Variants in SPRED1 observed in about 807,000 individuals in gnomAD.
SPRED1 encodes the protein sprouty-related, EVH1 domain-containing protein 1.
SPRED1 carries 18 observed loss-of-function variants against 52.3 expected under a neutral mutation model. The ratio of observed to expected loss-of-function variants is 0.34; its 90% CI spans 0.24 to 0.51. The LOEUF is 0.51. Ranked by LOEUF, SPRED1 falls within the 20% of genes least tolerant of loss-of-function variation. The probability of loss-of-function intolerance (pLI) is 0.97; values close to 1 mark genes in which losing one functional copy is unlikely to be tolerated. For synonymous variants in SPRED1, 155 were observed against 179.7 expected, an observed-to-expected ratio of 0.86 and a Z score of 1.10; for missense variants, 485 against 551.0, an observed-to-expected ratio of 0.88 and a Z score of 1.20.
chr15:38,267,796 A>G (rs1019839347), intron 1 of SPRED1, among the ~76,000 whole-genome samples: 1 of 152,228 alleles, frequency 6.6e-6, no homozygotes. Context: ...TCCAAAGCCT[A>G]TGCCCTAAAA....
rs564286556 is a variant in SPRED1 at position 38,304,955 on chromosome 15, G to A, written c.207+5408G>A. Reference sequence around the variant, plus strand: ...CAACCCTTTCATTCATATTTCAGTAGACAATATGTTGCTAAGTTTTTTTTA... The same window carrying A: ...CAACCCTTTCATTCATATTTCAGTAAACAATATGTTGCTAAGTTTTTTTTA... On this transcript the variant is annotated intron_variant, in intron 2 of 6. Coordinates refer to ENST00000299084, the MANE Select transcript of SPRED1 (RefSeq NM_152594.3). 2.6e-5 allele frequency among the ~76,000 whole-genome samples: 4 copies of A among 152,016 alleles called. No homozygotes were observed. In the South Asian group the frequency reaches 8.3e-4, roughly 32 times the overall value.
In SPRED1 at chr15:38,262,993, A is replaced by G. The variant is rs142375178; in HGVS notation, c.32+9776A>G. Among the ~76,000 whole-genome samples the G allele has an allele frequency of 1.5e-3, 230 of 152,340 alleles. 2 individuals are homozygous for G. The highest frequency in any genetic ancestry group is 6.8e-3 in the South Asian group (33 of 4,830). ...CAATTTGTGTAAAGCAGGGCTTCTT[A>G]GGACAGTTGACTGGAGGGAGAAGAA... On this transcript the variant is annotated intron_variant, in intron 1 of 6. Transcript: ENST00000299084.
intron 1 of SPRED1, among the ~76,000 whole-genome samples, chr15:38,273,831 T>G (rs1054248323): frequency 6.6e-6 from 1 of 151,646 alleles, no homozygotes; most frequent in Non-Finnish European, 1.5e-5. Context: ...ACGGTGGTGG[T>G]TCCCGACTCC....
At chr15:38,324,887 A>G (rs1173345501) in intron 4 of SPRED1, 78 bp downstream of exon 4, 4 of 1,135,412 alleles carry the variant, frequency 3.5e-6, no homozygotes, top group Non-Finnish European at 5.3e-6. Context: ...TAAACTTATC[A>G]ATTACTAAGA....
At chr15:38,322,165 C>T in intron 2 of SPRED1, 76 bp from the exon 3 acceptor site, 1 of 1,393,490 alleles carries the variant, frequency 7.2e-7, no homozygotes, top group South Asian at 1.2e-5. Context: ...GTTGTATCAC[C>T]TCAGTTTGTA....
At chr15:38,299,673 T>C in intron 2 of SPRED1, 126 bp downstream of exon 2, 1 of 998,730 alleles carries the variant, frequency 1.0e-6, no homozygotes, top group South Asian at 1.4e-5. Flanking sequence ...GAGCTGTTTC[T>C]GTGTTAAAGG....
intron 1 of SPRED1, among the ~76,000 whole-genome samples, chr15:38,277,030 A>G (rs1566852081): frequency 6.6e-6 from 1 of 152,200 alleles, no homozygotes; most frequent in Non-Finnish European, 1.5e-5. Flanking sequence ...TTTGGGGTCT[A>G]TCTTTATAAA....
chr15:38,325,262 CA>C (rs1895691733), intron 4 of SPRED1, among the ~76,000 whole-genome samples: 1 of 152,100 alleles, frequency 6.6e-6, no homozygotes, highest in Admixed American at 6.5e-5. Context: ...TATTTAAAAT[CA>C]TGTATAAAAT....
rs186794877 is a variant in SPRED1 at position 38,310,233 on chromosome 15, C to G, written c.207+10686C>G. ...TCGGCTCATTGCAACCTCTGCCTCC[C>G]AGGTTCAAGCTTTTCTCCTGCCTCA... On this transcript the variant is annotated intron_variant, in intron 2 of 6. Coordinates refer to ENST00000299084, the MANE Select transcript of SPRED1 (RefSeq NM_152594.3). Among the ~76,000 whole-genome samples, 732 of 151,912 alleles carry G rather than the reference C, an allele frequency of 4.8e-3. 4 individuals are homozygous for G. Among genetic ancestry groups the G allele is most frequent in the Admixed American group, 0.012 (181 of 15,224 alleles).
chr15:38,329,491 A>G (rs965824904), intron 4 of SPRED1, among the ~76,000 whole-genome samples: 4 of 152,198 alleles, frequency 2.6e-5, no homozygotes, highest in African/African-American at 9.6e-5. Context: ...TAGGTAGTAC[A>G]GAGTATTTAA....
In SPRED1 at chr15:38,299,453, G is replaced by C; in HGVS notation, c.113G>C (p.Gly38Ala). Residue 38 changes from glycine to alanine, a missense_variant, in exon 2 of 7, where the codon GGA (glycine) becomes GCA (alanine). Physicochemically the swap from Gly to Ala is moderately conservative, Grantham distance 60. Coordinates refer to ENST00000299084, the MANE Select transcript of SPRED1 (RefSeq NM_152594.3). ...GGATGGTTACCACTTGGAGGGAGTG[G>C]ACTAAGCAGCGTCACTGTCTTCAAA... ...SGGWLPLGGS[G>A]LSSVTVFKVP... The C allele has an allele frequency of 3.7e-6, 6 of 1,613,984 alleles. No individual in the cohort carries two copies. The highest frequency in any genetic ancestry group is 5.1e-6 in the Non-Finnish European group (6 of 1,179,938).
chr15:38,346,630 A>G (rs1896142749), intron 5 of SPRED1, among the ~76,000 whole-genome samples: 1 of 152,176 alleles, frequency 6.6e-6, no homozygotes, highest in Non-Finnish European at 1.5e-5. Flanking sequence ...TGATAGTTCT[A>G]AAACTTGTTT....
intron 3 of SPRED1, among the ~76,000 whole-genome samples, chr15:38,323,659 C>T (rs905906047): frequency 2.6e-5 from 4 of 151,894 alleles, no homozygotes; most frequent in Non-Finnish European, 5.9e-5. Flanking sequence ...TTCTGTGCCT[C>T]ATTCCACAGA....
intron 2 of SPRED1, among the ~76,000 whole-genome samples, chr15:38,318,526 G>A (rs1187963339): frequency 3.3e-5 from 5 of 152,010 alleles, no homozygotes; most frequent in Non-Finnish European, 7.4e-5. Context: ...GCTGAGGTTT[G>A]GGCAATAATG....
intron 1 of SPRED1, among the ~76,000 whole-genome samples, chr15:38,298,802 T>C (rs940520165): frequency 1.3e-5 from 2 of 152,218 alleles, no homozygotes; most frequent in Admixed American, 1.3e-4. Flanking sequence ...GCTTGTTAAG[T>C]AATCTAAGCA....
At position 38,355,419 on chromosome 15, in the gene SPRED1, T is replaced by C. The variant is rs1315927850; in HGVS notation, c.*3755T>C. 1.3e-5 allele frequency: 2 copies of C among 152,236 alleles called. No individual in the cohort carries two copies. The highest frequency in any genetic ancestry group is 2.9e-5 in the Non-Finnish European group (2 of 68,068). 9.4% of individuals were successfully genotyped at this position (152,236 alleles called of 1,614,324 possible). ...GTATAGTGCCATCTGATATCTTGGGTAAGTCTTGCTTTTTCTTTTCTTTTT... is the reference window on the plus strand; with the variant it reads ...GTATAGTGCCATCTGATATCTTGGGCAAGTCTTGCTTTTTCTTTTCTTTTT... On this transcript the variant is annotated 3_prime_UTR_variant, in exon 7 of 7. Coordinates refer to ENST00000299084, the MANE Select transcript of SPRED1 (RefSeq NM_152594.3).
chr15:38,337,612 A>G (rs1182824270), intron 4 of SPRED1, among the ~76,000 whole-genome samples: 2 of 152,188 alleles, frequency 1.3e-5, no homozygotes, highest in African/African-American at 4.8e-5. Context: ...TTAAAAAAGT[A>G]TTATATTTAA....
intron 1 of SPRED1, among the ~76,000 whole-genome samples, chr15:38,286,541 G>C (rs8026186): frequency 0.96 from 143,020 of 149,178 alleles, 68,817 homozygotes; most frequent in East Asian, 1. Context: ...ATTACTTATG[G>C]CTTTTTTTTT....
At chr15:38,278,185 G>C (rs1037502381) in intron 1 of SPRED1, among the ~76,000 whole-genome samples, 1 of 152,118 alleles carries the variant, frequency 6.6e-6, no homozygotes, top group South Asian at 2.1e-4. Flanking sequence ...AGAGCTCTTA[G>C]AAATTATTAC....
Sources: allele counts gnomAD v4.1 joint callset (sites outside exome capture counted in the v4.1 genomes callset), GRCh38; gene constraint gnomAD v4.1.1; transcripts MANE v1.5; gene names NCBI Gene and HGNC (gene_info 2026-07-23, HGNC 2026-07-21).